The following MCF2L variants were observed in gnomAD, a reference collection of about 807,000 sequenced individuals.
The protein encoded by MCF2L is guanine nucleotide exchange factor DBS.
A neutral mutation model predicts 153.4 loss-of-function variants in MCF2L; 97 were observed. The ratio of observed to expected loss-of-function variants is 0.63; its 90% CI spans 0.54 to 0.75. The LOEUF is 0.75. MCF2L is among the 30% of genes least tolerant of loss of function. MCF2L has a pLI of 0.00. For missense variants in MCF2L, 1,347 were observed against 1,495.2 expected (o/e 0.90, Z 1.64); for synonymous variants, 659 against 632.2 (o/e 1.04, Z -0.64).
At chr13:113,082,897 C>T (rs1421220909) in intron 17 of MCF2L, among the ~76,000 whole-genome samples, 1 of 152,184 alleles carries the variant, frequency 6.6e-6, no homozygotes, top group East Asian at 1.9e-4. Context: ...GCCGGAACCC[C>T]CTCCCAGGTG....
At chr13:113,043,029 T>C (rs2086598942) in intron 3 of MCF2L, 1 of 152,242 alleles carries the variant, frequency 6.6e-6, no homozygotes, top group Non-Finnish European at 1.5e-5. Flanking sequence ...GCATACTCAG[T>C]GGCTTCATTT....
rs545139831 is a variant in MCF2L, at chr13:113,070,376, G to T, written c.996+203G>T. 9.8e-6 allele frequency: 4 copies of T among 407,058 alleles called. No homozygotes were observed. The South Asian group carries it at 1.5e-4, about 15-fold the overall frequency. 25.2% of individuals were successfully genotyped at this position (407,058 alleles called of 1,614,324 possible). Reference sequence around the variant, plus strand: ...ATGCACGATTGATGACTGCGTCATTGTATAGAAAGGTGATTGAAAATCAGC... The same window carrying T: ...ATGCACGATTGATGACTGCGTCATTTTATAGAAAGGTGATTGAAAATCAGC... On this transcript the variant is annotated intron_variant, in intron 9 of 29. Transcript: ENST00000535094. The surrounding 1 kb of genome is among the most constrained non-coding windows in gnomAD (Gnocchi z 5.6).
intron 27 of MCF2L, 83 bp downstream of exon 27, chr13:113,094,718 T>G: frequency 6.6e-7 from 1 of 1,510,622 alleles, no homozygotes; most frequent in Non-Finnish European, 8.9e-7. Flanking sequence ...CCACCCAGGC[T>G]TGGGTCTTAG....
At chr13:112,973,330 C>T (rs761719306) in intron 1 of MCF2L, among the ~76,000 whole-genome samples, 1 of 152,132 alleles carries the variant, frequency 6.6e-6, no homozygotes, top group Non-Finnish European at 1.5e-5. Flanking sequence ...GGGTTGCTGA[C>T]TATTTTGTAA....
At chr13:113,076,888 C>T (rs981801311) in intron 12 of MCF2L, among the ~76,000 whole-genome samples, 164 bp from the exon 13 acceptor site, 3 of 152,274 alleles carry the variant, frequency 2.0e-5, no homozygotes, top group South Asian at 4.1e-4. Context: ...CCTCTCCGTC[C>T]GTAGTGGCCA....
rs1333871947 is a variant in MCF2L, at chr13:113,097,396, A to C, written c.*537A>C. The C allele has an allele frequency of 2.0e-5, 3 of 152,470 alleles. No homozygotes were observed. The highest frequency in any genetic ancestry group is 2.9e-5 in the Non-Finnish European group (2 of 68,228). The allele number at this position is 152,470 out of a possible 1,614,324, so 9.4% of individuals were successfully genotyped here. Reference sequence around the variant, plus strand: ...GACAATTTGATACTGTATTTGATAGAAAACTATTTTTTTGTTACCGGGGTT... The same window carrying C: ...GACAATTTGATACTGTATTTGATAGCAAACTATTTTTTTGTTACCGGGGTT... On this transcript the variant is annotated 3_prime_UTR_variant, in exon 30 of 30. Transcript: ENST00000535094.
intron 1 of MCF2L, 59 bp from the exon 2 acceptor site, chr13:113,014,704 G>A (rs1159136584): frequency 7.5e-6 from 11 of 1,461,552 alleles, no homozygotes; most frequent in Admixed American, 3.4e-5. Context: ...TCGGGTGGGC[G>A]CTTGCAGGGT....
intron 1 of MCF2L, among the ~76,000 whole-genome samples, chr13:113,013,356 T>G (rs1448344443): frequency 6.6e-6 from 1 of 152,180 alleles, no homozygotes; most frequent in East Asian, 1.9e-4. Flanking sequence ...TGACATCTGC[T>G]TGGCTCTGGC....
chr13:113,066,430 T>G (rs1325601942), intron 8 of MCF2L, among the ~76,000 whole-genome samples: 1 of 152,192 alleles, frequency 6.6e-6, no homozygotes, highest in East Asian at 1.9e-4. Flanking sequence ...AACGCCCTTT[T>G]GCCGGCATGA....
chr13:113,017,640 G>GA (rs2084615136), intron 2 of MCF2L, among the ~76,000 whole-genome samples: 1 of 152,138 alleles, frequency 6.6e-6, no homozygotes, highest in Non-Finnish European at 1.5e-5. Context: ...CCCTCAAGGG[G>GA]GCTCCCCTCC....
intron 2 of MCF2L, among the ~76,000 whole-genome samples, chr13:112,925,071 A>G (rs1181045873): frequency 2.0e-5 from 3 of 152,236 alleles, no homozygotes; most frequent in Non-Finnish European, 4.4e-5. Context: ...TTTCACCTGG[A>G]TAAGTACCAG....
At chr13:113,089,963 G>C in intron 26 of MCF2L, 2 of 1,596,792 alleles carry the variant, frequency 1.3e-6, no homozygotes, top group Non-Finnish European at 1.7e-6. Flanking sequence ...AGCCTCGGCC[G>C]AGCGTGCAAC....
Position 113,035,399 on chromosome 13 carries a change from C to G in MCF2L, c.279-9872C>G, listed in dbSNP as rs990839220. 6.6e-6 allele frequency among the ~76,000 whole-genome samples: 1 copy of G among 152,206 alleles called. No individual in the cohort carries two copies. Among genetic ancestry groups the G allele is most frequent in the Non-Finnish European group, 1.5e-5 (1 of 68,040 alleles). On this transcript the variant is annotated intron_variant, in intron 3 of 29. Transcript: ENST00000535094. The surrounding 1 kb of genome is among the most constrained non-coding windows in gnomAD (Gnocchi z 4.4). The stretch of plus-strand genomic sequence containing the variant: ...GCCACAGAATTATTTCCTGCAGCCA[C>G]AGAGACTTCCTTGGCGGGAAACCAG...
intron 2 of MCF2L, among the ~76,000 whole-genome samples, chr13:112,915,487 A>G (rs2081283234): frequency 6.6e-6 from 1 of 150,732 alleles, no homozygotes; most frequent in South Asian, 2.1e-4. Flanking sequence ...TTTCATACAT[A>G]TTTGAGTCTG....
rs147939028 is a variant in MCF2L at position 113,095,429 on chromosome 13, C to A, written c.3075+794C>A. 8.7e-4 allele frequency: 933 copies of A among 1,074,812 alleles called. 11 individuals are homozygous for A. The highest frequency in any genetic ancestry group is 4.1e-4 in the Non-Finnish European group (359 of 885,078). The allele number at this position is 1,074,812 out of a possible 1,614,324, so 66.6% of individuals were successfully genotyped here. On this transcript the variant is annotated intron_variant, in intron 27 of 29. Coordinates refer to ENST00000535094, the MANE Select transcript of MCF2L (RefSeq NM_001112732.3). Reference sequence around the variant, plus strand: ...GTGGGGGACACAGAGGCGGAGGCCACGTGGCAGGAGGGGAAACAGGCTGGT... The same window carrying A: ...GTGGGGGACACAGAGGCGGAGGCCAAGTGGCAGGAGGGGAAACAGGCTGGT...
rs947205853 is a variant in MCF2L at position 113,027,113 on chromosome 13, G to A, written c.278+2355G>A. On this transcript the variant is annotated intron_variant, in intron 3 of 29. Transcript: ENST00000535094. The surrounding 1 kb of genome is among the most constrained non-coding windows in gnomAD (Gnocchi z 4.8). ...ACATTACATAAGGTGGCAAAACACA[G>A]AGGAGATGTTTAACCATCAGCGTGA... 1 of 722,166 alleles carries A rather than the reference G, an allele frequency of 1.4e-6. No homozygotes were observed. The highest frequency in any genetic ancestry group is 1.7e-5 in the African/African-American group (1 of 58,002). The allele number at this position is 722,166 out of a possible 1,614,324, so 44.7% of individuals were successfully genotyped here.
intron 1 of MCF2L, among the ~76,000 whole-genome samples, chr13:112,997,130 G>A (rs1174358512): frequency 6.6e-6 from 1 of 152,250 alleles, no homozygotes; most frequent in Admixed American, 6.5e-5. Context: ...CATCTGGGGA[G>A]AGCAACTTCC....
intron 1 of MCF2L, among the ~76,000 whole-genome samples, chr13:113,007,633 G>T (rs1234614725): frequency 6.6e-6 from 1 of 152,268 alleles, no homozygotes; most frequent in Non-Finnish European, 1.5e-5. Flanking sequence ...GGGGCCGGCT[G>T]TACAGACAGG....
In MCF2L at chr13:112,941,054, C is replaced by T. The variant is rs375897954; in HGVS notation, c.169+38683C>T. Reference sequence around the variant, plus strand: ...GGATGTGAAATCCACCTAGCAGCCCCGCTGCATCTGGCACCACCATAGGGA... The same window carrying T: ...GGATGTGAAATCCACCTAGCAGCCCTGCTGCATCTGGCACCACCATAGGGA... On this transcript the variant is annotated intron_variant, in intron 2 of 29. Coordinates refer to the MCF2L transcript ENST00000375608. The surrounding 1 kb of genome is among the most constrained non-coding windows in gnomAD (Gnocchi z 4.9). 1.4e-3 allele frequency among the ~76,000 whole-genome samples: 206 copies of T among 152,288 alleles called. No individual in the cohort carries two copies. Among genetic ancestry groups the T allele is most frequent in the Non-Finnish European group, 2.2e-3 (152 of 68,028 alleles).
Sources: allele counts gnomAD v4.1 joint callset (sites outside exome capture counted in the v4.1 genomes callset), GRCh38; gene constraint gnomAD v4.1.1; non-coding constraint Gnocchi (gnomAD v3.1); transcripts MANE v1.5; gene names NCBI Gene and HGNC (gene_info 2026-07-23, HGNC 2026-07-21).